Variants in CADPS2 observed in about 807,000 individuals in gnomAD.
The protein encoded by CADPS2 is calcium-dependent secretion activator 2.
In CADPS2, 93 loss-of-function variants were observed where a neutral mutation model predicts 172.5. The ratio of observed to expected loss-of-function variants is 0.54; its 90% CI spans 0.46 to 0.64. CADPS2 has a LOEUF of 0.64. CADPS2 is among the 30% of genes least tolerant of loss of function. CADPS2 has a pLI of 0.00. For missense variants in CADPS2, 1,420 were observed against 1,565.9 expected (o/e 0.91, Z 1.57); for synonymous variants, 546 against 555.2 (o/e 0.98, Z 0.23).
rs770483822 is a variant in CADPS2 at position 122,480,841 on chromosome 7, A to T, written c.1861+11T>A. 3.3e-6 allele frequency: 5 copies of T among 1,511,236 alleles called. No homozygotes were observed. The Admixed American group carries it at 6.2e-5, about 19-fold the overall frequency. 93.6% of individuals were successfully genotyped at this position (1,511,236 alleles called of 1,614,324 possible). ...AAAACATCTAATTTTAAAAATCATG[A>T]AAATACTTACCTTTACCAGCTACAG... On this transcript the variant is annotated intron_variant, in intron 12 of 29. Coordinates refer to ENST00000449022, the MANE Select transcript of CADPS2 (RefSeq NM_017954.11).
At chr7:122,668,274 C>G (rs2471183) in intron 2 of CADPS2, among the ~76,000 whole-genome samples, 150,246 of 152,090 alleles carry the variant, frequency 0.99, 74,238 homozygotes, top group East Asian at 1. Context: ...CTAGATTCCA[C>G]TAACCAAAAA....
At chr7:122,631,689 CTT>C in intron 3 of CADPS2, among the ~76,000 whole-genome samples, 1 of 109,686 alleles carries the variant, frequency 9.1e-6, no homozygotes, top group East Asian at 3.7e-4. Flanking sequence ...ACTACATTGT[CTT>C]TTCTTTTTTT....
At chr7:122,799,578 T>C (rs1244967540) in intron 1 of CADPS2, among the ~76,000 whole-genome samples, 1 of 135,826 alleles carries the variant, frequency 7.4e-6, no homozygotes, top group Non-Finnish European at 1.5e-5. Flanking sequence ...CACTCCAGCC[T>C]GGGTGACAGA....
At chr7:122,814,841 T>C (rs1266061003) in intron 1 of CADPS2, among the ~76,000 whole-genome samples, 1 of 152,176 alleles carries the variant, frequency 6.6e-6, no homozygotes, top group Non-Finnish European at 1.5e-5. Flanking sequence ...ATCAAGAAAC[T>C]ATGATGTCAA....
intron 1 of CADPS2, among the ~76,000 whole-genome samples, chr7:122,763,334 G>T (rs554463966): frequency 6.6e-6 from 1 of 152,130 alleles, no homozygotes; most frequent in East Asian, 1.9e-4. Flanking sequence ...AAGCAAAGGG[G>T]ATAGTGTGAT....
At chr7:122,399,765 C>A (rs1179649120) in intron 20 of CADPS2, among the ~76,000 whole-genome samples, 1 of 138,708 alleles carries the variant, frequency 7.2e-6, no homozygotes, top group Non-Finnish European at 1.5e-5. Flanking sequence ...CGGCTCACTG[C>A]AAGCTCCGCC....
rs201882161 is a variant in CADPS2, at chr7:122,656,109, T to C, written c.786+7128A>G. Among the ~76,000 whole-genome samples the C allele has an allele frequency of 6.3e-4, 96 of 152,284 alleles. 1 individual carries two copies. The highest frequency in any genetic ancestry group is 2.2e-3 in the African/African-American group (91 of 41,562). The stretch of plus-strand genomic sequence containing the variant: ...TGAGTGGTAGGAATATTTACTTGTC[T>C]AGTAATTTTGAAAAATTACTATAAG... On this transcript the variant is annotated intron_variant, in intron 3 of 29. Transcript: ENST00000449022.
At chr7:122,704,059 A>G (rs1037053223) in intron 2 of CADPS2, among the ~76,000 whole-genome samples, 1 of 152,132 alleles carries the variant, frequency 6.6e-6, no homozygotes, top group Non-Finnish European at 1.5e-5. Context: ...GTTATCTTCT[A>G]TGTGCTCAGC....
intron 5 of CADPS2, among the ~76,000 whole-genome samples, chr7:122,619,365 C>A (rs1274316139): frequency 6.6e-6 from 1 of 151,602 alleles, no homozygotes; most frequent in East Asian, 1.9e-4. Context: ...GTGTCTCAAG[C>A]CTGTAATCCT....
chr7:122,430,904 T>C (rs1424975622), intron 17 of CADPS2, among the ~76,000 whole-genome samples: 1 of 152,150 alleles, frequency 6.6e-6, no homozygotes, highest in Non-Finnish European at 1.5e-5. Context: ...ACTATGATGA[T>C]GGAAGAGAAC....
At position 122,427,045 on chromosome 7, in the gene CADPS2, T is replaced by C. The variant is rs184364031; in HGVS notation, c.2477-10881A>G. 6 of 152,288 alleles carry C rather than the reference T, an allele frequency of 3.9e-5. No individual in the cohort carries two copies. In the East Asian group the frequency reaches 1.2e-3, roughly 29 times the overall value. 9.4% of individuals were successfully genotyped at this position (152,288 alleles called of 1,614,324 possible). ...GTAGGAAAGATTCTAGCAAGAGCTG[T>C]TCAGAGTGTTACAGATCATGGCCAA... On this transcript the variant is annotated intron_variant, in intron 17 of 29. Transcript: ENST00000449022.
intron 14 of CADPS2, among the ~76,000 whole-genome samples, chr7:122,461,071 T>C (rs527816936): frequency 2.0e-4 from 30 of 152,352 alleles, no homozygotes; most frequent in African/African-American, 5.5e-4. Flanking sequence ...AGTTACAAGA[T>C]TTTGTATAGT....
chr7:122,880,525 T>C (rs566459693), intron 1 of CADPS2, among the ~76,000 whole-genome samples: 11 of 152,336 alleles, frequency 7.2e-5, no homozygotes, highest in African/African-American at 1.4e-4. Flanking sequence ...TTATTGCCAA[T>C]ACTTTCATTT....
intron 1 of CADPS2, among the ~76,000 whole-genome samples, chr7:122,818,173 G>A (rs1279255919): frequency 6.7e-6 from 1 of 149,956 alleles, no homozygotes; most frequent in Non-Finnish European, 1.5e-5. Flanking sequence ...CCTTCACTAT[G>A]GGCAACCTTC....
At chr7:122,706,286 A>AATAT (rs10646318) in intron 2 of CADPS2, among the ~76,000 whole-genome samples, 487 of 12,288 alleles carry the variant, frequency 0.04, 196 homozygotes, top group Non-Finnish European at 0.059. Flanking sequence ...ATATTCAAGG[A>AATAT]ATATATATAT....
At chr7:122,691,567 A>G (rs1181267809) in intron 2 of CADPS2, among the ~76,000 whole-genome samples, 1 of 152,244 alleles carries the variant, frequency 6.6e-6, no homozygotes, top group Admixed American at 6.5e-5. Flanking sequence ...TAAATCTGCA[A>G]GAGAACCAGA....
intron 7 of CADPS2, among the ~76,000 whole-genome samples, chr7:122,574,097 G>T (rs2067638198): frequency 6.6e-6 from 1 of 152,004 alleles, no homozygotes; most frequent in African/African-American, 2.4e-5. Context: ...TACGCAAAAT[G>T]AGTAAATATA....
At chr7:122,457,145 G>A (rs1586230517) in intron 14 of CADPS2, among the ~76,000 whole-genome samples, 1 of 152,100 alleles carries the variant, frequency 6.6e-6, no homozygotes, top group East Asian at 1.9e-4. Flanking sequence ...TTTCTATAAA[G>A]GTAAAGAACA....
chr7:122,398,087 G>C (rs770965741), intron 20 of CADPS2, among the ~76,000 whole-genome samples: 1 of 152,040 alleles, frequency 6.6e-6, no homozygotes, highest in Non-Finnish European at 1.5e-5. Context: ...GCTAAACTCA[G>C]GATGCAATAT....
Sources: gnomAD v4.1 joint callset for allele counts (sites outside exome capture counted in the v4.1 genomes callset) on GRCh38, gnomAD v4.1.1 for gene constraint, MANE v1.5 for transcripts, NCBI Gene and HGNC (gene_info 2026-07-23, HGNC 2026-07-21) for gene names.